CSMD3: variants seen among roughly 807,000 people sequenced by gnomAD.
The protein encoded by CSMD3 is CUB and sushi domain-containing protein 3.
CSMD3 carries 177 observed loss-of-function variants against 435.2 expected under a neutral mutation model. That is an observed-to-expected ratio of 0.41 (90% CI 0.36 to 0.46). The LOEUF (loss-of-function observed/expected upper bound fraction) is 0.46, where lower values mean the gene tolerates loss of function less well. Among genes scored for constraint, CSMD3 ranks in the 20% least tolerant of loss-of-function variants. The probability of loss-of-function intolerance (pLI) is 0.34; values close to 1 mark genes in which losing one functional copy is unlikely to be tolerated. For missense variants in CSMD3, 4,265 were observed against 4,504.6 expected, an observed-to-expected ratio of 0.95 and a Z score of 1.52; for synonymous variants, 1,656 against 1,520.5, an observed-to-expected ratio of 1.09 and a Z score of -2.07.
At chr8:112,511,399 T>C (rs1352396175) in intron 28 of CSMD3, among the ~76,000 whole-genome samples, 3 of 144,392 alleles carry the variant, frequency 2.1e-5, no homozygotes, top group Non-Finnish European at 4.5e-5. Context: ...TTTTTTTTTT[T>C]TTTTTTTTGA....
intron 29 of CSMD3, among the ~76,000 whole-genome samples, chr8:112,506,375 G>C (rs1251669318): frequency 1.3e-5 from 2 of 151,982 alleles, no homozygotes; most frequent in Non-Finnish European, 2.9e-5. Context: ...ATAAAGATTG[G>C]GGACTTTTCT....
At chr8:113,142,370 T>G (rs1269885759) in intron 4 of CSMD3, among the ~76,000 whole-genome samples, 1 of 151,438 alleles carries the variant, frequency 6.6e-6, no homozygotes, top group Non-Finnish European at 1.5e-5. Context: ...TTTCAAGTCA[T>G]GTGATATAGC....
At chr8:112,748,479 G>T (rs1026841007) in intron 13 of CSMD3, among the ~76,000 whole-genome samples, 2 of 151,782 alleles carry the variant, frequency 1.3e-5, no homozygotes, top group Admixed American at 6.6e-5. Flanking sequence ...TCTTTTCTGC[G>T]CCTCTCCCTC....
intron 1 of CSMD3, among the ~76,000 whole-genome samples, chr8:113,361,405 A>T (rs1269202346): frequency 1.3e-5 from 2 of 152,178 alleles, no homozygotes; most frequent in African/African-American, 2.4e-5. Context: ...AGACATTATA[A>T]TATATAAATT....
At chr8:113,319,891 T>C (rs753785016) in intron 1 of CSMD3, among the ~76,000 whole-genome samples, 1 of 152,070 alleles carries the variant, frequency 6.6e-6, no homozygotes, top group African/African-American at 2.4e-5. Flanking sequence ...TTCTTTATAG[T>C]ACATGTGGAA....
intron 3 of CSMD3, among the ~76,000 whole-genome samples, chr8:113,208,192 G>A (rs2092792682): frequency 1.3e-5 from 2 of 152,140 alleles, no homozygotes; most frequent in Non-Finnish European, 2.9e-5. Context: ...AGCATATTAA[G>A]TCCCCATTAA....
chr8:112,689,395 A>G (rs2076083133), intron 14 of CSMD3, among the ~76,000 whole-genome samples: 1 of 152,070 alleles, frequency 6.6e-6, no homozygotes, highest in African/African-American at 2.4e-5. Context: ...AATGAATTGT[A>G]TTGTATGCAA....
chr8:112,949,596 C>T (rs1383281246), intron 8 of CSMD3, among the ~76,000 whole-genome samples: 1 of 152,044 alleles, frequency 6.6e-6, no homozygotes, highest in Non-Finnish European at 1.5e-5. Context: ...ATCTACCAAA[C>T]TTTCCATTGT....
chr8:113,154,993 C>CAAGCT (rs1429850383), intron 4 of CSMD3, among the ~76,000 whole-genome samples: 2 of 151,928 alleles, frequency 1.3e-5, no homozygotes, highest in African/African-American at 4.8e-5. Context: ...TTTTAATAAA[C>CAAGCT]AAGCTACTTT....
intron 4 of CSMD3, among the ~76,000 whole-genome samples, chr8:113,153,853 T>C (rs2091881399): frequency 1.3e-5 from 2 of 152,050 alleles, no homozygotes; most frequent in Non-Finnish European, 1.5e-5. Context: ...TTCTTCAAGA[T>C]TGTTTATGTT....
chr8:112,473,702 T>TG (rs1818748364), intron 31 of CSMD3, among the ~76,000 whole-genome samples: 1 of 47,962 alleles, frequency 2.1e-5, no homozygotes, highest in African/African-American at 1.5e-4. Context: ...GCCCCAGGTG[T>TG]AAGTTTGCAG....
At chr8:112,898,793 T>G (rs1177920303) in intron 10 of CSMD3, among the ~76,000 whole-genome samples, 3 of 151,298 alleles carry the variant, frequency 2.0e-5, no homozygotes, top group African/African-American at 7.3e-5. Flanking sequence ...CATAAAATTA[T>G]AAGATGATCA....
chr8:112,962,542 A>G (rs2084269703), intron 7 of CSMD3, among the ~76,000 whole-genome samples: 1 of 151,892 alleles, frequency 6.6e-6, no homozygotes, highest in African/African-American at 2.4e-5. Context: ...TACAAAAAAA[A>G]AATACAGAAA....
intron 9 of CSMD3, among the ~76,000 whole-genome samples, chr8:112,945,590 G>GT (rs2083581611): frequency 1.1e-5 from 1 of 93,808 alleles, no homozygotes; most frequent in Non-Finnish European, 2.6e-5. Flanking sequence ...ACAGAAATAT[G>GT]TGTGTGTGTG....
At chr8:112,462,628 T>G (rs1261248686) in intron 32 of CSMD3, among the ~76,000 whole-genome samples, 2 of 152,110 alleles carry the variant, frequency 1.3e-5, no homozygotes, top group Non-Finnish European at 2.9e-5. Flanking sequence ...GGAAATAACT[T>G]TGCTTAAAAT....
At chr8:112,612,283 A>C (rs576063870) in intron 22 of CSMD3, among the ~76,000 whole-genome samples, 1 of 152,304 alleles carries the variant, frequency 6.6e-6, no homozygotes, top group East Asian at 1.9e-4. Context: ...GCAGACCTAA[A>C]GTCTGCATGG....
intron 5 of CSMD3, among the ~76,000 whole-genome samples, chr8:113,081,960 A>T (rs1409210228): frequency 6.6e-6 from 1 of 152,112 alleles, no homozygotes; most frequent in East Asian, 1.9e-4. Flanking sequence ...TTCCTCTAGC[A>T]GGGAAGCCAC....
chr8:112,503,604 C>T (rs549497101), intron 30 of CSMD3, among the ~76,000 whole-genome samples, 186 bp downstream of exon 30: 2 of 152,228 alleles, frequency 1.3e-5, no homozygotes, highest in African/African-American at 4.8e-5. Flanking sequence ...TAGAGAAATG[C>T]TAATTTCCTT....
intron 22 of CSMD3, among the ~76,000 whole-genome samples, chr8:112,600,375 G>A (rs1183633052): frequency 6.6e-6 from 1 of 152,042 alleles, no homozygotes; most frequent in African/African-American, 2.4e-5. Context: ...TGCATATTGG[G>A]CCAAGAGTAT....
Sources: gnomAD v4.1 joint callset for allele counts (sites outside exome capture counted in the v4.1 genomes callset) on GRCh38, gnomAD v4.1.1 for gene constraint, MANE v1.5 for transcripts, NCBI Gene and HGNC (gene_info 2026-07-23, HGNC 2026-07-21) for gene names.